KIRREL3: variants seen among roughly 807,000 people sequenced by gnomAD.
KIRREL3 encodes kirre like nephrin family adhesion molecule 3.
KIRREL3 carries 36 observed loss-of-function variants against 89.7 expected under a neutral mutation model. That is an observed-to-expected ratio of 0.40 (90% CI 0.31 to 0.53). The LOEUF is 0.53. Ranked by LOEUF, KIRREL3 falls within the 20% of genes least tolerant of loss-of-function variation. KIRREL3 has a pLI of 0.49. For synonymous variants in KIRREL3, 445 were observed against 441.4 expected (o/e 1.01, Z -0.10); for missense variants, 864 against 1,056.6 (o/e 0.82, Z 2.53).
chr11:126,932,465 C>G (rs1020433515), intron 1 of KIRREL3, among the ~76,000 whole-genome samples: 2 of 152,134 alleles, frequency 1.3e-5, no homozygotes, highest in African/African-American at 4.8e-5. Context: ...TCAAATAGCA[C>G]ATTTTGAAAT....
In KIRREL3 at chr11:126,943,981, C is replaced by A. The variant is rs1451047018; in HGVS notation, c.55+56474G>T. 6.6e-6 allele frequency among the ~76,000 whole-genome samples: 1 copy of A among 152,178 alleles called. No homozygotes were observed. Among genetic ancestry groups the A allele is most frequent in the Non-Finnish European group, 1.5e-5 (1 of 68,036 alleles). On this transcript the variant is annotated intron_variant, in intron 1 of 16. Transcript: ENST00000525144. The surrounding 1 kb of genome is among the most constrained non-coding windows in gnomAD (Gnocchi z 4.2). ...ACAGCAGAGGCAGGAAGTTTGCTCT[C>A]ACCTTCCCCTCGCCTTTCTCCCCTG...
rs914942535 is a variant in KIRREL3 at position 126,684,220 on chromosome 11, A to G, written c.56-121308T>C. On this transcript the variant is annotated intron_variant, in intron 1 of 16. Transcript: ENST00000525144. The surrounding 1 kb of genome is among the most constrained non-coding windows in gnomAD (Gnocchi z 4.2). ...GGAGGAGCCGGGCTGGAGGCTGCAG[A>G]CTCTGCCTCTGTGCCCGTTCTGGGA... 2.0e-5 allele frequency among the ~76,000 whole-genome samples: 3 copies of G among 151,714 alleles called. No homozygotes were observed. Among genetic ancestry groups the G allele is most frequent in the African/African-American group, 7.3e-5 (3 of 41,276 alleles).
At position 126,867,620 on chromosome 11, in the gene KIRREL3, C is replaced by T. The variant is rs187426176; in HGVS notation, c.55+132835G>A. On this transcript the variant is annotated intron_variant, in intron 1 of 16. Coordinates refer to ENST00000525144, the MANE Select transcript of KIRREL3 (RefSeq NM_032531.4). This position sits in a 1 kb window ranked among gnomAD's most constrained non-coding sequence, Gnocchi z 4.7. ...ATTAATACATTTCACCGAATGATTACCGAGTGCCATGCCCCATCAGGATGT... is the reference window on the plus strand; with the variant it reads ...ATTAATACATTTCACCGAATGATTATCGAGTGCCATGCCCCATCAGGATGT... 6.6e-6 allele frequency among the ~76,000 whole-genome samples: 1 copy of T among 152,346 alleles called. No homozygotes were observed. Among genetic ancestry groups the T allele is most frequent in the Non-Finnish European group, 1.5e-5 (1 of 68,038 alleles).
At position 126,668,981 on chromosome 11, in the gene KIRREL3, C is replaced by A. The variant is rs1945815588; in HGVS notation, c.56-106069G>T. Among the ~76,000 whole-genome samples, 1 of 152,056 alleles carries A rather than the reference C, an allele frequency of 6.6e-6. No individual in the cohort carries two copies. The highest frequency in any genetic ancestry group is 6.6e-5 in the Admixed American group (1 of 15,258). ...TAAGAGTGTCCAGGATGAGGGAATG[C>A]ATGTTTCCAGTGACTCCTGAAGTTT... On this transcript the variant is annotated intron_variant, in intron 1 of 16. Transcript: ENST00000525144. The surrounding 1 kb of genome is among the most constrained non-coding windows in gnomAD (Gnocchi z 4.4).
rs150854132 is a variant in KIRREL3 at position 126,514,162 on chromosome 11, G to A, written c.433+7153C>T. ...GGGGAGCGAGATGTACAATAGCTCC[G>A]ACACAGCTCCCATGTGGAACCTCAG... On this transcript the variant is annotated intron_variant, in intron 4 of 16. Transcript: ENST00000525144. 1.1e-3 allele frequency among the ~76,000 whole-genome samples: 169 copies of A among 152,186 alleles called. 1 individual carries two copies. Among genetic ancestry groups the A allele is most frequent in the African/African-American group, 3.8e-3 (159 of 41,506 alleles).
intron 1 of KIRREL3, among the ~76,000 whole-genome samples, chr11:126,822,208 T>G (rs1375497733): frequency 6.6e-6 from 1 of 152,186 alleles, no homozygotes; most frequent in African/African-American, 2.4e-5. Flanking sequence ...CTAGTACACA[T>G]GAAGTGTTGG....
intron 1 of KIRREL3, among the ~76,000 whole-genome samples, chr11:126,577,590 T>C (rs997118166): frequency 2.8e-4 from 5 of 17,780 alleles, no homozygotes; most frequent in African/African-American, 1.2e-3. Context: ...CTACTAAAAA[T>C]ACAAAAAAAA....
At position 126,521,415 on chromosome 11, in the gene KIRREL3, G is replaced by A. The variant is rs1000044935; in HGVS notation, c.333C>T (p.His111=). ...VVGNHLSGEH[H]LKILRAELQD... ...GCAGCTCTGCCCTCAGGATCTTCAG[G>A]TGGTGCTCCCCTGACAGGTGGTTCC... The change falls in exon 4 of 17, where the codon CAC becomes CAT. Residue 111 remains histidine (H), a synonymous_variant. Transcript: ENST00000525144. This position sits in a 1 kb window ranked among gnomAD's most constrained non-coding sequence, Gnocchi z 4.1. The A allele has an allele frequency of 6.3e-7, 1 of 1,575,878 alleles. No individual in the cohort carries two copies. Among genetic ancestry groups the A allele is most frequent in the East Asian group, 2.3e-5 (1 of 42,844 alleles).
chr11:126,990,085 G>C lies in KIRREL3; in HGVS notation c.55+10370C>G, dbSNP rs1053822091. On this transcript the variant is annotated intron_variant, in intron 1 of 16. Coordinates refer to ENST00000525144, the MANE Select transcript of KIRREL3 (RefSeq NM_032531.4). The surrounding 1 kb of genome is among the most constrained non-coding windows in gnomAD (Gnocchi z 6.3). ...GGGAAAACGCCTGGAGCGGGGCAGG[G>C]GGCACAGGCCTGGAGGCGGCTCTAG... Among the ~76,000 whole-genome samples, 1 of 152,172 alleles carries C rather than the reference G, an allele frequency of 6.6e-6. No homozygotes were observed. Among genetic ancestry groups the C allele is most frequent in the African/African-American group, 2.4e-5 (1 of 41,446 alleles).
chr11:126,501,485 C>T lies in KIRREL3; in HGVS notation c.433+19830G>A, dbSNP rs1341415844. On this transcript the variant is annotated intron_variant, in intron 4 of 16. Coordinates refer to ENST00000525144, the MANE Select transcript of KIRREL3 (RefSeq NM_032531.4). This position sits in a 1 kb window ranked among gnomAD's most constrained non-coding sequence, Gnocchi z 5.8. ...TCGAGCAGATTCTACCGCAGCCCGTCCTGGGTCCTGTTGATGTGCTACACA... is the reference window on the plus strand; with the variant it reads ...TCGAGCAGATTCTACCGCAGCCCGTTCTGGGTCCTGTTGATGTGCTACACA... Among the ~76,000 whole-genome samples the T allele has an allele frequency of 6.6e-6, 1 of 152,138 alleles. No individual in the cohort carries two copies. Among genetic ancestry groups the T allele is most frequent in the African/African-American group, 2.4e-5 (1 of 41,414 alleles).
chr11:126,504,751 C>T (rs1957970566), intron 4 of KIRREL3, among the ~76,000 whole-genome samples: 1 of 152,068 alleles, frequency 6.6e-6, no homozygotes. Flanking sequence ...GATAAAAACC[C>T]TTTAAGATAT....
chr11:126,485,021 T>C lies in KIRREL3; in HGVS notation c.434-11555A>G, dbSNP rs1337235136. 2.0e-5 allele frequency among the ~76,000 whole-genome samples: 3 copies of C among 152,114 alleles called. No homozygotes were observed. Among genetic ancestry groups the C allele is most frequent in the South Asian group, 2.1e-4 (1 of 4,828 alleles). ...TTTTGGTGGAGACGGGGTTTCGTCA[T>C]GTTGGCCAGGCTGGTCTCAAACGCC... On this transcript the variant is annotated intron_variant, in intron 4 of 16. Coordinates refer to ENST00000525144, the MANE Select transcript of KIRREL3 (RefSeq NM_032531.4). This position sits in a 1 kb window ranked among gnomAD's most constrained non-coding sequence, Gnocchi z 5.8.
intron 1 of KIRREL3, among the ~76,000 whole-genome samples, chr11:126,933,329 T>C (rs1188602903): frequency 6.6e-6 from 1 of 152,004 alleles, no homozygotes; most frequent in Non-Finnish European, 1.5e-5. Flanking sequence ...CTAAGTTCAT[T>C]GCAGCCTAAT....
intron 1 of KIRREL3, among the ~76,000 whole-genome samples, chr11:126,854,082 G>A (rs1055105510): frequency 1.3e-5 from 2 of 150,262 alleles, no homozygotes; most frequent in Non-Finnish European, 3.0e-5. Context: ...TAAAAACAAA[G>A]CTCCTGTTAA....
At chr11:126,950,491 A>G (rs1016868675) in intron 1 of KIRREL3, among the ~76,000 whole-genome samples, 2 of 152,186 alleles carry the variant, frequency 1.3e-5, no homozygotes, top group Non-Finnish European at 2.9e-5. Flanking sequence ...ATCTGGCCCC[A>G]TTTACCTAAC....
intron 1 of KIRREL3, among the ~76,000 whole-genome samples, chr11:126,673,320 C>A (rs570022726): frequency 6.6e-6 from 1 of 152,334 alleles, no homozygotes; most frequent in East Asian, 1.9e-4. Flanking sequence ...GTTATCTGGT[C>A]AGGACAGGTG....
intron 10 of KIRREL3, chr11:126,440,920 T>G: frequency 3.5e-6 from 1 of 287,716 alleles, no homozygotes; most frequent in Non-Finnish European, 6.7e-6. Flanking sequence ...GTGGTAAGCC[T>G]GCAGAGGGGG....
At position 126,515,731 on chromosome 11, in the gene KIRREL3, C is replaced by T. The variant is rs528204305; in HGVS notation, c.433+5584G>A. Among the ~76,000 whole-genome samples, 44 of 152,162 alleles carry T rather than the reference C, an allele frequency of 2.9e-4. No homozygotes were observed. Among genetic ancestry groups the T allele is most frequent in the African/African-American group, 1.0e-3 (42 of 41,520 alleles). On this transcript the variant is annotated intron_variant, in intron 4 of 16. Coordinates refer to ENST00000525144, the MANE Select transcript of KIRREL3 (RefSeq NM_032531.4). The surrounding 1 kb of genome is among the most constrained non-coding windows in gnomAD (Gnocchi z 4.2). ...TGGGGACACAGCTGGGGGCTGGCCT[C>T]GGGGGGCCTTGTGTGGCCTGGCAGG...
At chr11:126,549,526 T>C (rs1939090640) in intron 2 of KIRREL3, 1 of 152,204 alleles carries the variant, frequency 6.6e-6, no homozygotes, top group African/African-American at 2.4e-5. Context: ...AAAAACTTTA[T>C]GGCACCGCAA....
Sources: gnomAD v4.1 joint callset for allele counts (sites outside exome capture counted in the v4.1 genomes callset) on GRCh38, gnomAD v4.1.1 for gene constraint, Gnocchi (gnomAD v3.1) non-coding constraint, MANE v1.5 for transcripts, NCBI Gene and HGNC (gene_info 2026-07-23, HGNC 2026-07-21) for gene names.